Variants in RAP1GAP2 observed in about 807,000 individuals in gnomAD.
The protein encoded by RAP1GAP2 is RAP1 GTPase activating protein 2, also known as rap1 GTPase-activating protein 2.
Under a neutral mutation model 95.0 loss-of-function variants are expected in RAP1GAP2, and 27 were observed. The ratio of observed to expected loss-of-function variants is 0.28; its 90% CI spans 0.21 to 0.39. RAP1GAP2 has a LOEUF of 0.39. RAP1GAP2 is among the 10% of genes least tolerant of loss of function. The pLI, the probability that RAP1GAP2 is intolerant of heterozygous loss-of-function variation, is 1.00. For missense variants in RAP1GAP2, 771 were observed against 970.0 expected (o/e 0.79, Z 2.72); for synonymous variants, 373 against 380.9 (o/e 0.98, Z 0.24).
chr17:2,810,020 T>G (rs114855239), intron 2 of RAP1GAP2, among the ~76,000 whole-genome samples: 7 of 48,220 alleles, frequency 1.5e-4, no homozygotes, highest in African/African-American at 5.2e-4. Context: ...GCTGGGACCC[T>G]CCCCTCCCCC....
rs1050596631 is a variant in RAP1GAP2 at position 2,915,041 on chromosome 17, C to T, written c.165+9673C>T. Among the ~76,000 whole-genome samples the T allele has an allele frequency of 6.6e-5, 10 of 151,648 alleles. No homozygotes were observed. In the East Asian group the frequency reaches 7.8e-4, roughly 12 times the overall value. On this transcript the variant is annotated intron_variant, in intron 3 of 24. Coordinates refer to ENST00000254695, the MANE Select transcript of RAP1GAP2 (RefSeq NM_015085.5). ...TCCTGACCTCGTGATCCGCCCGCCT[C>T]GGCCTCCCAAAGTGCTGGGATTACA...
At chr17:2,907,659 GTTAGGC>G (rs2042242762) in intron 3 of RAP1GAP2, among the ~76,000 whole-genome samples, 1 of 152,140 alleles carries the variant, frequency 6.6e-6, no homozygotes, top group Non-Finnish European at 1.5e-5. Context: ...ATAGGTGCTA[GTTAGGC>G]TAAGGTGGAG....
chr17:2,956,736 C>A (rs1462470073), intron 3 of RAP1GAP2, among the ~76,000 whole-genome samples: 1 of 152,208 alleles, frequency 6.6e-6, no homozygotes, highest in Non-Finnish European at 1.5e-5. Context: ...CTCACGCTTC[C>A]ATTCCGCTTC....
chr17:2,917,066 G>A (rs1260719056), intron 3 of RAP1GAP2, among the ~76,000 whole-genome samples: 1 of 152,204 alleles, frequency 6.6e-6, no homozygotes, highest in Non-Finnish European at 1.5e-5. Flanking sequence ...TGCCCTCTCT[G>A]TTGATTCTCC....
At chr17:2,889,889 A>ATATATTTTTTTTTTTT (rs1408426152) in intron 2 of RAP1GAP2, among the ~76,000 whole-genome samples, 1 of 57,316 alleles carries the variant, frequency 1.7e-5, no homozygotes, top group East Asian at 6.3e-4. Flanking sequence ...ATATATATAT[A>ATATATTTTTTTTTTTT]TTTTTTTTTT....
intron 10 of RAP1GAP2, among the ~76,000 whole-genome samples, chr17:2,984,745 G>C (rs913627194): frequency 6.6e-6 from 1 of 152,196 alleles, no homozygotes; most frequent in African/African-American, 2.4e-5. Flanking sequence ...GGAGTGGAAT[G>C]AGTGATACAG....
chr17:2,853,796 G>C (rs1156356356), intron 2 of RAP1GAP2, among the ~76,000 whole-genome samples: 1 of 147,254 alleles, frequency 6.8e-6, no homozygotes, highest in Non-Finnish European at 1.5e-5. Flanking sequence ...CGCGGGCCCC[G>C]AGGAGACGCT....
chr17:3,027,001 TC>T lies in RAP1GAP2; in HGVS notation c.2042del (p.Pro681ArgfsTer17). 1 of 1,562,270 alleles carries T rather than the reference TC, an allele frequency of 6.4e-7. No individual in the cohort carries two copies. Among genetic ancestry groups the T allele is most frequent in the Admixed American group, 1.9e-5 (1 of 52,440 alleles). ...GCAGGAGGTGTTTGTCTACAGCCCG[TC>T]CCCGAGCAGCGAGAGCCCCAGCCTG... is the stretch of plus-strand genomic sequence containing the variant. ...FKQEVFVYSPSPSSESPSLGA... is the reference protein window; with the variant it reads ...FKQEVFVYSPXPSSESPSLGA... On this transcript the variant is annotated frameshift_variant, in exon 22 of 25. Coordinates refer to ENST00000254695, the MANE Select transcript of RAP1GAP2 (RefSeq NM_015085.5). LOFTEE classifies it high-confidence loss of function. The surrounding 1 kb of genome is among the most constrained non-coding windows in gnomAD (Gnocchi z 5.2).
chr17:3,020,433 G>C, intron 18 of RAP1GAP2, 44 bp from the exon 19 acceptor site: 1 of 1,489,744 alleles, frequency 6.7e-7, no homozygotes, highest in Non-Finnish European at 9.3e-7. Context: ...ATAGGAGATC[G>C]GTGTTTGGGC....
chr17:2,842,767 C>T (rs560449982), intron 2 of RAP1GAP2, among the ~76,000 whole-genome samples: 8 of 151,936 alleles, frequency 5.3e-5, no homozygotes, highest in Admixed American at 5.3e-4. Context: ...GTGTCAGGGC[C>T]GAAGGTGGGT....
At chr17:2,877,724 C>G (rs2073147479) in intron 2 of RAP1GAP2, among the ~76,000 whole-genome samples, 1 of 152,180 alleles carries the variant, frequency 6.6e-6, no homozygotes, top group African/African-American at 2.4e-5. Context: ...GTACTTCAGC[C>G]TGGGTGACAG....
intron 1 of RAP1GAP2, among the ~76,000 whole-genome samples, chr17:2,791,303 C>T (rs2068919138): frequency 6.6e-6 from 1 of 152,238 alleles, no homozygotes; most frequent in Non-Finnish European, 1.5e-5. Flanking sequence ...GGCTGGTCCC[C>T]GAGAAACACC....
At chr17:2,832,300 T>C (rs2070898155) in intron 2 of RAP1GAP2, among the ~76,000 whole-genome samples, 1 of 151,664 alleles carries the variant, frequency 6.6e-6, no homozygotes, top group African/African-American at 2.4e-5. Flanking sequence ...GGCTCATGCC[T>C]GTAATCCCAG....
chr17:2,935,683 G>A (rs140410328), intron 3 of RAP1GAP2, among the ~76,000 whole-genome samples: 1 of 152,286 alleles, frequency 6.6e-6, no homozygotes, highest in East Asian at 1.9e-4. Flanking sequence ...TGTCAAGCAC[G>A]TTCACATTTG....
rs2047425853 is a variant in RAP1GAP2, at chr17:3,034,764, G to C, written c.*1403G>C. The C allele has an allele frequency of 6.5e-6, 1 of 152,758 alleles. No individual in the cohort carries two copies. The highest frequency in any genetic ancestry group is 2.4e-5 in the African/African-American group (1 of 41,442). 9.5% of individuals were successfully genotyped at this position (152,758 alleles called of 1,614,324 possible). Reference sequence around the variant, plus strand: ...CCTGGCTTCTCCCCCTTCCGAGTCTGCAGCGCCGTGGGCTTCTCTGCCGAT... The same window carrying C: ...CCTGGCTTCTCCCCCTTCCGAGTCTCCAGCGCCGTGGGCTTCTCTGCCGAT... On this transcript the variant is annotated 3_prime_UTR_variant, in exon 25 of 25. Coordinates refer to ENST00000254695, the MANE Select transcript of RAP1GAP2 (RefSeq NM_015085.5). The surrounding 1 kb of genome is among the most constrained non-coding windows in gnomAD (Gnocchi z 5.1).
rs2070248148 is a variant in RAP1GAP2, at chr17:2,820,646, G to A, written c.80+20096G>A. Among the ~76,000 whole-genome samples, 4 of 150,652 alleles carry A rather than the reference G, an allele frequency of 2.7e-5. No individual in the cohort carries two copies. In the South Asian group the frequency reaches 8.3e-4, roughly 31 times the overall value. ...AAAAAAAAAAAAAAAAGAGGACTTA[G>A]TATTTTCACTGCTCCCAATTCTATG... On this transcript the variant is annotated intron_variant, in intron 2 of 24. Transcript: ENST00000254695.
At chr17:2,905,207 G>C in intron 2 of RAP1GAP2, 77 bp from the exon 3 acceptor site, 1 of 1,373,512 alleles carries the variant, frequency 7.3e-7, no homozygotes, top group Non-Finnish European at 1.0e-6. Context: ...AACTGTGTCC[G>C]AGAGCCCAGT....
chr17:2,983,119 GAC>G (rs1186031588), intron 10 of RAP1GAP2, among the ~76,000 whole-genome samples: 1 of 152,248 alleles, frequency 6.6e-6, no homozygotes, highest in Non-Finnish European at 1.5e-5. Context: ...GCCTCACAGA[GAC>G]ACACAGTGTG....
intron 2 of RAP1GAP2, among the ~76,000 whole-genome samples, chr17:2,869,903 C>G (rs1258460335): frequency 6.6e-6 from 1 of 152,158 alleles, no homozygotes; most frequent in Non-Finnish European, 1.5e-5. Context: ...CCAGGTGGAA[C>G]GTGGCTCCGG....
Sources: allele counts gnomAD v4.1 joint callset (sites outside exome capture counted in the v4.1 genomes callset), GRCh38; gene constraint gnomAD v4.1.1; non-coding constraint Gnocchi (gnomAD v3.1); transcripts MANE v1.5; gene names NCBI Gene and HGNC (gene_info 2026-07-23, HGNC 2026-07-21).